JAM3: variants seen among roughly 807,000 people sequenced by gnomAD.
JAM3 encodes junctional adhesion molecule 3.
Under a neutral mutation model 39.4 loss-of-function variants are expected in JAM3, and 31 were observed. The observed-to-expected ratio is 0.79, with a 90% CI of 0.59 to 1.06. The LOEUF (loss-of-function observed/expected upper bound fraction) is 1.06, where lower values mean the gene tolerates loss of function less well. Among genes scored for constraint, JAM3 ranks in the 50% least tolerant of loss-of-function variants. JAM3 has a pLI of 0.00. For missense variants in JAM3, 455 were observed against 391.4 expected (o/e 1.16, Z -1.37); for synonymous variants, 182 against 148.7 (o/e 1.22, Z -1.63).
chr11:134,134,419 A>AAAAC (rs1161336777), intron 1 of JAM3, among the ~76,000 whole-genome samples: 3 of 151,326 alleles, frequency 2.0e-5, no homozygotes, highest in Admixed American at 6.6e-5. Context: ...AAAAAAAAAA[A>AAAAC]AAACATCTAG....
intron 1 of JAM3, among the ~76,000 whole-genome samples, chr11:134,073,544 T>C (rs1220236004): frequency 1.3e-5 from 2 of 152,188 alleles, no homozygotes; most frequent in East Asian, 3.8e-4. Flanking sequence ...CTAAATAAGC[T>C]TAGATCATAG....
At chr11:134,080,664 C>T (rs893756605) in intron 1 of JAM3, among the ~76,000 whole-genome samples, 1 of 152,186 alleles carries the variant, frequency 6.6e-6, no homozygotes, top group East Asian at 1.9e-4. Flanking sequence ...TAATAAACCT[C>T]TTTCTTTTGT....
chr11:134,137,094 C>G (rs1202927838), intron 1 of JAM3, among the ~76,000 whole-genome samples: 1 of 143,982 alleles, frequency 6.9e-6, no homozygotes, highest in African/African-American at 2.7e-5. Flanking sequence ...GCCTGGCTGA[C>G]AGAGCGAGAC....
intron 1 of JAM3, among the ~76,000 whole-genome samples, chr11:134,086,927 T>C (rs763774234): frequency 6.6e-6 from 1 of 152,000 alleles, no homozygotes; most frequent in Non-Finnish European, 1.5e-5. Context: ...GTCTCAACTT[T>C]CCATGTAGCT....
At chr11:134,131,788 C>T (rs894699226) in intron 1 of JAM3, among the ~76,000 whole-genome samples, 8 of 152,020 alleles carry the variant, frequency 5.3e-5, no homozygotes, top group African/African-American at 1.9e-4. Context: ...ACTGAAAATA[C>T]AATAACTGAA....
At position 134,074,987 on chromosome 11, in the gene JAM3, C is replaced by CTT. The variant is rs57613157; in HGVS notation, c.76+5846_76+5847dup. 6.3e-4 allele frequency among the ~76,000 whole-genome samples: 79 copies of CTT among 124,490 alleles called. 2 individuals carry two copies. In the East Asian group the frequency reaches 0.014, roughly 22 times the overall value. 81.7% of individuals were successfully genotyped at this position (124,490 alleles called of 152,430 possible). ...AATGCAACAAATCCAAAGACAGCTG[C>CTT]TTTTTTTTTTTTTTTTTTTGGCAGG... On this transcript the variant is annotated intron_variant, in intron 1 of 8. Coordinates refer to ENST00000299106, the MANE Select transcript of JAM3 (RefSeq NM_032801.5).
chr11:134,109,780 T>C (rs1942275657), intron 1 of JAM3, among the ~76,000 whole-genome samples: 1 of 152,208 alleles, frequency 6.6e-6, no homozygotes, highest in African/African-American at 2.4e-5. Context: ...CAATTATGTA[T>C]TCATATTGTG....
At chr11:134,122,981 T>C (rs1942565100) in intron 1 of JAM3, among the ~76,000 whole-genome samples, 1 of 152,188 alleles carries the variant, frequency 6.6e-6, no homozygotes, top group South Asian at 2.1e-4. Context: ...GTTTCACTGG[T>C]TAGGGAAGAG....
chr11:134,148,886 C>T, intron 8 of JAM3, 68 bp downstream of exon 8: 2 of 1,505,928 alleles, frequency 1.3e-6, no homozygotes, highest in Non-Finnish European at 9.2e-7. Context: ...CCCTTGGAAA[C>T]CACACGGGTC....
intron 1 of JAM3, among the ~76,000 whole-genome samples, chr11:134,111,531 C>T (rs1348215132): frequency 2.0e-5 from 3 of 152,002 alleles, no homozygotes; most frequent in East Asian, 3.9e-4. Flanking sequence ...AGAAACTCTA[C>T]TTCTCCTCAT....
intron 6 of JAM3, among the ~76,000 whole-genome samples, chr11:134,146,382 CCA>C (rs1943071589): frequency 6.9e-6 from 1 of 145,358 alleles, no homozygotes; most frequent in African/African-American, 2.7e-5. Flanking sequence ...AGAAATTTAT[CCA>C]GTTATAACCC....
At chr11:134,136,216 C>T (rs983277493) in intron 1 of JAM3, among the ~76,000 whole-genome samples, 2 of 152,182 alleles carry the variant, frequency 1.3e-5, no homozygotes, top group Non-Finnish European at 1.5e-5. Context: ...AAAACCCTTT[C>T]CTCACTCTTA....
intron 1 of JAM3, among the ~76,000 whole-genome samples, chr11:134,113,313 G>A (rs1321799769): frequency 6.6e-6 from 1 of 151,772 alleles, no homozygotes; most frequent in Admixed American, 6.6e-5. Flanking sequence ...ATTTACATTA[G>A]GTATATCTCC....
chr11:134,136,682 C>T (rs1475903409), intron 1 of JAM3, among the ~76,000 whole-genome samples: 2 of 152,170 alleles, frequency 1.3e-5, no homozygotes, highest in Non-Finnish European at 2.9e-5. Context: ...CTGGGATATA[C>T]TGCCTTCTAG....
intron 1 of JAM3, among the ~76,000 whole-genome samples, chr11:134,133,946 C>G (rs1374575126): frequency 1.3e-5 from 2 of 152,140 alleles, no homozygotes; most frequent in African/African-American, 4.8e-5. Context: ...TTGGAATTAT[C>G]AGACTGGGCA....
chr11:134,148,456 G>A (rs1450948091), intron 6 of JAM3, 91 bp from the exon 7 acceptor site: 1 of 1,570,722 alleles, frequency 6.4e-7, no homozygotes, highest in Non-Finnish European at 8.7e-7. Flanking sequence ...AAGTGGGTTT[G>A]GGGTGAAGGA....
chr11:134,142,794 A>G (rs1023442909), intron 3 of JAM3, among the ~76,000 whole-genome samples: 4 of 151,832 alleles, frequency 2.6e-5, no homozygotes, highest in Non-Finnish European at 5.9e-5. Flanking sequence ...CATCCCTGGC[A>G]GCTCTGATTC....
intron 2 of JAM3, 22 bp downstream of exon 2, chr11:134,139,938 AG>A: frequency 6.3e-7 from 1 of 1,575,938 alleles, no homozygotes; most frequent in East Asian, 2.2e-5. Context: ...CGAAATGCCT[AG>A]GATAATGGGC....
chr11:134,109,445 C>T (rs79015910), intron 1 of JAM3, among the ~76,000 whole-genome samples: 2,332 of 152,280 alleles, frequency 0.015, 149 homozygotes, highest in Admixed American at 0.11. Context: ...ATAACTGTTG[C>T]CTGGTTTTTT....
Sources: allele counts gnomAD v4.1 joint callset (sites outside exome capture counted in the v4.1 genomes callset), GRCh38; gene constraint gnomAD v4.1.1; transcripts MANE v1.5; gene names NCBI Gene and HGNC (gene_info 2026-07-23, HGNC 2026-07-21).